SYDE1: variants seen among roughly 807,000 people sequenced by gnomAD.
SYDE1 encodes rho GTPase-activating protein SYDE1.
A neutral mutation model predicts 63.3 loss-of-function variants in SYDE1; 34 were observed. The observed-to-expected ratio is 0.54, with a 90% CI of 0.41 to 0.71. The LOEUF is 0.71. Ranked by LOEUF, SYDE1 falls within the 30% of genes least tolerant of loss-of-function variation. The probability of loss-of-function intolerance (pLI) is 0.00; values close to 1 mark genes in which losing one functional copy is unlikely to be tolerated. For synonymous variants in SYDE1, 467 were observed against 473.4 expected, an observed-to-expected ratio of 0.99 and a Z score of 0.18; for missense variants, 925 against 1,042.5, an observed-to-expected ratio of 0.89 and a Z score of 1.55.
At position 15,113,773 on chromosome 19, in the gene SYDE1, C is replaced by T; in HGVS notation, c.2018C>T (p.Pro673Leu). ...TGTGGGCGGGATTTCCTGTCCGGGC[C>T]AGACTACGACCACGTGACGGGCAGT... is the stretch of plus-strand genomic sequence containing the variant. ...LPCGRDFLSG[P>L]DYDHVTGSDS... Residue 673 changes from proline to leucine, a missense_variant, in exon 8 of 8, where the codon CCA (proline) becomes CTA (leucine). Around this residue, in one of 3 missense-constraint regions of SYDE1, gnomAD observed 255 missense variants for 255.9 expected, o/e 1.00. Transcript: ENST00000342784. 6.2e-7 allele frequency: 1 copy of T among 1,614,138 alleles called. No individual in the cohort carries two copies. The highest frequency in any genetic ancestry group is 8.5e-7 in the Non-Finnish European group (1 of 1,180,026).
At position 15,109,302 on chromosome 19, in the gene SYDE1, A is replaced by T; in HGVS notation, c.335A>T (p.Tyr112Phe). 1.9e-6 allele frequency: 3 copies of T among 1,613,646 alleles called. No homozygotes were observed. Among genetic ancestry groups the T allele is most frequent in the Non-Finnish European group, 2.5e-6 (3 of 1,179,758 alleles). ...GGGGAGCCCGCCGGCGAGATCTGGT[A>T]CAACCCCATCCCTGAGGAAGACCCC... ...GTGEPAGEIW[Y>F]NPIPEEDPRP... Residue 112 changes from tyrosine (Y) to phenylalanine (F), a missense_variant, in exon 2 of 8, where the codon TAC becomes TTC. Coordinates refer to ENST00000342784, the MANE Select transcript of SYDE1 (RefSeq NM_033025.6). This position sits in a 1 kb window ranked among gnomAD's most constrained non-coding sequence, Gnocchi z 5.0.
Position 15,113,660 on chromosome 19 carries a change from T to A in SYDE1, c.1905T>A (p.Thr635=), listed in dbSNP as rs879747544. Residue 635 remains threonine (T), a synonymous_variant, in exon 8 of 8, where the codon ACT becomes ACA. Transcript: ENST00000342784. ...HLPLADPEVV[T]RPRGRGGPES... is the part of the protein sequence containing the mutation. ...CGCTGGCAGACCCCGAAGTGGTGAC[T>A]CGGCCCCGCGGTCGAGGAGGCCCCG... The A allele has an allele frequency of 1.2e-6, 2 of 1,613,014 alleles. No homozygotes were observed. Among genetic ancestry groups the A allele is most frequent in the Non-Finnish European group, 1.7e-6 (2 of 1,179,736 alleles).
In SYDE1 at chr19:15,110,019, G is replaced by A. The variant is rs1284847710; in HGVS notation, c.746G>A (p.Arg249Gln). ...GGGCCCCCATCACCCACCTCCTTCCGGCCCTACGAGGTGGGTCCCGCAGCC... is the reference window on the plus strand; with the variant it reads ...GGGCCCCCATCACCCACCTCCTTCCAGCCCTACGAGGTGGGTCCCGCAGCC... ...PAGPPSPTSFRPYEVGPAARA... is the reference protein window; with the variant it reads ...PAGPPSPTSFQPYEVGPAARA... Residue 249 changes from arginine (R) to glutamine (Q), a missense_variant, in exon 3 of 8, where the codon CGG becomes CAG. Physicochemically the swap from Arg to Gln is conservative, Grantham distance 43. Around this residue, in one of 3 missense-constraint regions of SYDE1, gnomAD observed 599 missense variants for 653.7 expected, o/e 0.92. Transcript: ENST00000342784. The surrounding 1 kb of genome is among the most constrained non-coding windows in gnomAD (Gnocchi z 6.9). 39 of 1,503,610 alleles carry A rather than the reference G, an allele frequency of 2.6e-5. No homozygotes were observed. Among genetic ancestry groups the A allele is most frequent in the South Asian group, 7.4e-5 (6 of 80,698 alleles). 93.1% of individuals were successfully genotyped at this position (1,503,610 alleles called of 1,614,324 possible). A position where few individuals can be genotyped will look rare whatever the true frequency, so the allele number is the denominator to read the frequency against.
chr19:15,110,440 G>C lies in SYDE1; in HGVS notation c.1076-81G>C. ...GTGCCTAGGGGGCTGGGCTCCGGGCGGAAGGTGTGGCCTGGAGCAGCGAGG... is the reference window on the plus strand; with the variant it reads ...GTGCCTAGGGGGCTGGGCTCCGGGCCGAAGGTGTGGCCTGGAGCAGCGAGG... On this transcript the variant is annotated intron_variant, in intron 3 of 7. Coordinates refer to ENST00000342784, the MANE Select transcript of SYDE1 (RefSeq NM_033025.6). This position sits in a 1 kb window ranked among gnomAD's most constrained non-coding sequence, Gnocchi z 6.9. 1.3e-6 allele frequency: 2 copies of C among 1,487,810 alleles called. No homozygotes were observed. Among genetic ancestry groups the C allele is most frequent in the East Asian group, 2.5e-5 (1 of 40,012 alleles). 92.2% of individuals were successfully genotyped at this position (1,487,810 alleles called of 1,614,324 possible).
Position 15,114,875 on chromosome 19 carries a change from G to A in SYDE1, c.*912G>A. On this transcript the variant is annotated 3_prime_UTR_variant, in exon 8 of 8. Coordinates refer to ENST00000342784, the MANE Select transcript of SYDE1 (RefSeq NM_033025.6). ...TGAAATCCCCAATAATGGTGCCTCAGTGGGCCCCAGAGTTCCAGTGGGAGA... is the reference window on the plus strand; with the variant it reads ...TGAAATCCCCAATAATGGTGCCTCAATGGGCCCCAGAGTTCCAGTGGGAGA... The A allele has an allele frequency of 3.1e-6, 1 of 322,200 alleles. No individual in the cohort carries two copies. Among genetic ancestry groups the A allele is most frequent in the South Asian group, 2.9e-5 (1 of 34,338 alleles). The allele number at this position is 322,200 out of a possible 1,614,324, so 20.0% of individuals were successfully genotyped here.
At position 15,111,516 on chromosome 19, in the gene SYDE1, A is replaced by T. The variant is rs2046345802; in HGVS notation, c.1417+77A>T. 2.3e-5 allele frequency: 36 copies of T among 1,598,958 alleles called. No homozygotes were observed. The highest frequency in any genetic ancestry group is 3.1e-5 in the Non-Finnish European group (36 of 1,170,162). On this transcript the variant is annotated intron_variant, in intron 5 of 7. Coordinates refer to ENST00000342784, the MANE Select transcript of SYDE1 (RefSeq NM_033025.6). This position sits in a 1 kb window ranked among gnomAD's most constrained non-coding sequence, Gnocchi z 5.5. The stretch of plus-strand genomic sequence containing the variant: ...TTCAAGGCCTTGGGGCTCCTCTGGG[A>T]CCTCAGTCCTCCTATCTGACCTTGC...
Position 15,113,931 on chromosome 19 carries a change from G to T in SYDE1, c.2176G>T (p.Glu726Ter). 1 of 1,613,752 alleles carries T rather than the reference G, an allele frequency of 6.2e-7. No individual in the cohort carries two copies. The highest frequency in any genetic ancestry group is 1.7e-4 in the Middle Eastern group (1 of 6,060). Residue 726 changes from glutamate (E) to a stop codon, truncating the protein, a stop_gained, in exon 8 of 8, where the codon GAG becomes TAG. Transcript: ENST00000342784. LOFTEE classifies it high-confidence loss of function. ...FDALILDLERELSKQINVCL is the reference protein window; with the variant it reads ...FDALILDLER ...CGCCCTCATCCTGGATCTGGAGAGA[G>T]AGCTCTCCAAGCAAATCAACGTGTG... is the stretch of plus-strand genomic sequence containing the variant.
Position 15,113,658 on chromosome 19 carries a change from A to C in SYDE1, c.1903A>C (p.Thr635Pro). The change falls in exon 8 of 8, where the codon ACT becomes CCT. Residue 635 changes from threonine (T) to proline (P), a missense_variant. Around this residue, in one of 3 missense-constraint regions of SYDE1, gnomAD observed 255 missense variants for 255.9 expected, o/e 1.00. Transcript: ENST00000342784. ...GCCGCTGGCAGACCCCGAAGTGGTG[A>C]CTCGGCCCCGCGGTCGAGGAGGCCC... The part of the protein sequence containing the change: ...HLPLADPEVV[T>P]RPRGRGGPES... 6.2e-7 allele frequency: 1 copy of C among 1,613,118 alleles called. No homozygotes were observed. Among genetic ancestry groups the C allele is most frequent in the Non-Finnish European group, 8.5e-7 (1 of 1,179,726 alleles).
At position 15,112,535 on chromosome 19, in the gene SYDE1, A is replaced by G. The variant is rs1480039125; in HGVS notation, c.1768A>G (p.Ile590Val). 1 of 1,599,640 alleles carries G rather than the reference A, an allele frequency of 6.3e-7. No homozygotes were observed. Among genetic ancestry groups the G allele is most frequent in the Non-Finnish European group, 8.5e-7 (1 of 1,173,184 alleles). ...CAGTGCAGTGGACTTCAAGCACCAC[A>G]TCGAGGTGCTGCACTACCTGCTGCA... Reference protein sequence around the residue: ...LASAVDFKHHIEVLHYLLQSW... With the variant: ...LASAVDFKHHVEVLHYLLQSW... Residue 590 changes from isoleucine to valine, a missense_variant, in exon 7 of 8, where the codon ATC (isoleucine) becomes GTC (valine). Ile to Val is a conservative substitution (Grantham distance 29). Transcript: ENST00000342784.
chr19:15,108,699 G>A lies in SYDE1; in HGVS notation c.89-357G>A. The A allele has an allele frequency of 4.5e-6, 1 of 220,368 alleles. No homozygotes were observed. The highest frequency in any genetic ancestry group is 8.8e-6 in the Non-Finnish European group (1 of 113,060). 13.7% of individuals were successfully genotyped at this position (220,368 alleles called of 1,614,324 possible). On this transcript the variant is annotated intron_variant, in intron 1 of 7. Transcript: ENST00000342784. The surrounding 1 kb of genome is among the most constrained non-coding windows in gnomAD (Gnocchi z 4.3). The stretch of plus-strand genomic sequence containing the variant: ...TGAGCCTCAGAGAGGGAAGCGACTT[G>A]CCCAAGGCCACGCAGGTGCAAAGCT...
At position 15,114,632 on chromosome 19, in the gene SYDE1, C is replaced by CCT. The variant is rs1177034610; in HGVS notation, c.*670_*671insTC. 6.8e-6 allele frequency: 1 copy of CCT among 146,032 alleles called. No homozygotes were observed. Among genetic ancestry groups the CCT allele is most frequent in the Non-Finnish European group, 1.5e-5 (1 of 65,760 alleles). 9.0% of individuals were successfully genotyped at this position (146,032 alleles called of 1,614,324 possible). A position where few individuals can be genotyped will look rare whatever the true frequency, so the allele number is the denominator to read the frequency against. The stretch of plus-strand genomic sequence containing the variant: ...CATCTCCTTGCCCCCCCCTTGCCCC[C>CCT]CCCCCCGAAAAAAATTGAGCACTTA... On this transcript the variant is annotated 3_prime_UTR_variant, in exon 8 of 8. Transcript: ENST00000342784.
intron 7 of SYDE1, among the ~76,000 whole-genome samples, chr19:15,113,032 G>A (rs1213621972): frequency 6.6e-6 from 1 of 152,148 alleles, no homozygotes. Context: ...AGCCTCCCGA[G>A]TAGCTGGGAT....
intron 7 of SYDE1, 71 bp downstream of exon 7, chr19:15,112,642 C>A: frequency 7.5e-7 from 1 of 1,340,416 alleles, no homozygotes; most frequent in Non-Finnish European, 1.0e-6. Context: ...CTTAAGGGAC[C>A]AATCAGTGTC....
At chr19:15,107,588 GC>G in intron 1 of SYDE1, 67 bp downstream of exon 1, 2 of 1,158,962 alleles carry the variant, frequency 1.7e-6, no homozygotes, top group East Asian at 3.8e-5. Context: ...GGGTCCCAGG[GC>G]CCCGAGGACA....
At position 15,114,148 on chromosome 19, in the gene SYDE1, G is replaced by T; in HGVS notation, c.*185G>T. The T allele has an allele frequency of 1.6e-6, 1 of 612,282 alleles. No homozygotes were observed. The highest frequency in any genetic ancestry group is 2.9e-5 in the East Asian group (1 of 34,548). 37.9% of individuals were successfully genotyped at this position (612,282 alleles called of 1,614,324 possible). A position where few individuals can be genotyped will look rare whatever the true frequency, so the allele number is the denominator to read the frequency against. ...TCCCAGTTTCCAGGGCCCGGTATTT[G>T]GACACTAGTTGCCAAGTCTGGGGCC... On this transcript the variant is annotated 3_prime_UTR_variant, in exon 8 of 8. Coordinates refer to ENST00000342784, the MANE Select transcript of SYDE1 (RefSeq NM_033025.6).
At chr19:15,113,061 G>C (rs186286641) in intron 7 of SYDE1, among the ~76,000 whole-genome samples, 3 of 152,050 alleles carry the variant, frequency 2.0e-5, no homozygotes, top group African/African-American at 4.8e-5. Context: ...CGCACCACCA[G>C]TCCTGGCTAA....
Position 15,112,577 on chromosome 19 carries a change from T to C in SYDE1, c.1804+6T>C, listed in dbSNP as rs1213231717. The C allele has an allele frequency of 3.9e-6, 6 of 1,557,338 alleles. No individual in the cohort carries two copies. In the Admixed American group the frequency reaches 1.1e-4, roughly 30 times the overall value. On this transcript the variant is annotated splice_donor_region_variant and intron_variant, in intron 7 of 7. Coordinates refer to ENST00000342784, the MANE Select transcript of SYDE1 (RefSeq NM_033025.6). ...CCTGCTGCAGTCTTGGCCAGGTGAG[T>C]TCATGCCCAGGGCCTGCACCACCAA...
At chr19:15,107,594 A>C in intron 1 of SYDE1, 73 bp downstream of exon 1, 1 of 1,063,690 alleles carries the variant, frequency 9.4e-7, no homozygotes, top group Non-Finnish European at 1.3e-6. Context: ...CAGGGCCCCG[A>C]GGACAGACGG....
Position 15,113,693 on chromosome 19 carries a change from C to T in SYDE1, c.1938C>T (p.Pro646=), listed in dbSNP as rs778484755. The change falls in exon 8 of 8, where the codon CCC becomes CCT. Residue 646 remains proline, a synonymous_variant. Coordinates refer to ENST00000342784, the MANE Select transcript of SYDE1 (RefSeq NM_033025.6). ...GCGGTCGAGGAGGCCCCGAAAGCCC[C>T]CCGAGCAACCGCTACGCCGGCGACT... ...RPRGRGGPES[P]PSNRYAGDWS... is the part of the protein sequence containing the mutation. 1 of 1,613,302 alleles carries T rather than the reference C, an allele frequency of 6.2e-7. No individual in the cohort carries two copies. The highest frequency in any genetic ancestry group is 2.2e-5 in the East Asian group (1 of 44,888).
Sources: allele counts gnomAD v4.1 joint callset (sites outside exome capture counted in the v4.1 genomes callset), GRCh38; gene constraint gnomAD v4.1.1; regional missense constraint gnomAD v4.1.1; non-coding constraint Gnocchi (gnomAD v3.1); transcripts MANE v1.5; gene names NCBI Gene and HGNC (gene_info 2026-07-23, HGNC 2026-07-21).